CD247: variants seen among roughly 807,000 people sequenced by gnomAD.
The protein encoded by CD247 is CD247 molecule, also known as T-cell surface glycoprotein CD3 zeta chain.
Under a neutral mutation model 30.0 loss-of-function variants are expected in CD247, and 13 were observed. The observed-to-expected ratio is 0.43, with a 90% confidence interval of 0.28 to 0.69. The LOEUF (loss-of-function observed/expected upper bound fraction) is 0.69. Among genes scored for constraint, CD247 ranks in the 30% least tolerant of loss-of-function variants. CD247 has a pLI of 0.16. For missense variants in CD247, 193 were observed against 212.6 expected (o/e 0.91, Z 0.57); for synonymous variants, 72 against 80.0 (o/e 0.90, Z 0.53).
Position 167,518,500 on chromosome 1 carries a change from G to A in CD247, c.-35C>T, listed in dbSNP as rs750454853. ...TCCCTCAGAAAGAGGCTGGGAGGCA[G>A]AGGCTGAGGCAGCGGTGGCCGGGAC... On this transcript the variant is annotated 5_prime_UTR_variant, in exon 1 of 8. Coordinates refer to ENST00000362089, the MANE Select transcript of CD247 (RefSeq NM_198053.3). 2 of 1,596,896 alleles carry A rather than the reference G, an allele frequency of 1.3e-6. No homozygotes were observed. Among genetic ancestry groups the A allele is most frequent in the Non-Finnish European group, 1.7e-6 (2 of 1,165,126 alleles).
intron 1 of CD247, among the ~76,000 whole-genome samples, chr1:167,502,928 T>C (rs1654972067): frequency 6.6e-6 from 1 of 152,200 alleles, no homozygotes; most frequent in Non-Finnish European, 1.5e-5. Context: ...CTTTGGACTT[T>C]TAGCCTTCCG....
At chr1:167,458,628 A>G (rs1174728443) in intron 1 of CD247, 1 of 148,334 alleles carries the variant, frequency 6.7e-6, no homozygotes, top group Non-Finnish European at 1.5e-5. Flanking sequence ...AAACTGCGCT[A>G]CTTTCAGCAA....
intron 2 of CD247, chr1:167,439,818 G>A: frequency 3.9e-6 from 1 of 255,126 alleles, no homozygotes; most frequent in South Asian, 4.7e-5. Flanking sequence ...CTTGACCCCC[G>A]GAGCAGTGTA....
At chr1:167,456,666 G>C (rs1652689873) in intron 1 of CD247, among the ~76,000 whole-genome samples, 1 of 152,170 alleles carries the variant, frequency 6.6e-6, no homozygotes, top group African/African-American at 2.4e-5. Flanking sequence ...ACCACCTTCT[G>C]GGTTGGATGG....
chr1:167,515,490 GC>G (rs1410137770), intron 1 of CD247, among the ~76,000 whole-genome samples: 4 of 152,140 alleles, frequency 2.6e-5, no homozygotes, highest in Admixed American at 6.5e-5. Context: ...CAATCCCCCT[GC>G]CCCCTATTTG....
intron 1 of CD247, among the ~76,000 whole-genome samples, chr1:167,455,544 G>A (rs892919406): frequency 1.2e-4 from 19 of 152,208 alleles, no homozygotes; most frequent in African/African-American, 4.6e-4. Flanking sequence ...GCGGTTACGG[G>A]AGCAGCAGCC....
chr1:167,483,865 C>A (rs1242819811), intron 1 of CD247, among the ~76,000 whole-genome samples: 1 of 152,250 alleles, frequency 6.6e-6, no homozygotes, highest in Non-Finnish European at 1.5e-5. Context: ...CCCCTCCCCA[C>A]TCCCTCCCCA....
chr1:167,508,632 A>G (rs1655250271), intron 1 of CD247, among the ~76,000 whole-genome samples: 1 of 152,170 alleles, frequency 6.6e-6, no homozygotes, highest in Admixed American at 6.5e-5. Flanking sequence ...TTGATAGTTA[A>G]GTGGGAGAAA....
intron 1 of CD247, 92 bp from the exon 2 acceptor site, chr1:167,440,859 A>T: frequency 1.3e-6 from 1 of 768,522 alleles, no homozygotes; most frequent in South Asian, 1.4e-5. Flanking sequence ...GACTGACCAA[A>T]TAAATCATGA....
At chr1:167,438,688 G>A (rs1298077585) in intron 3 of CD247, 38 bp from the exon 4 acceptor site, 6 of 1,524,716 alleles carry the variant, frequency 3.9e-6, no homozygotes, top group Non-Finnish European at 5.5e-6. Flanking sequence ...CAGGACGGAG[G>A]AACCTCAGAA....
intron 1 of CD247, among the ~76,000 whole-genome samples, chr1:167,454,569 T>G (rs1329932108): frequency 6.6e-6 from 1 of 152,252 alleles, no homozygotes; most frequent in Non-Finnish European, 1.5e-5. Flanking sequence ...GGACCTCAGC[T>G]ATACAGAACT....
chr1:167,449,729 C>T (rs1652267273), intron 1 of CD247, among the ~76,000 whole-genome samples: 1 of 152,018 alleles, frequency 6.6e-6, no homozygotes, highest in East Asian at 1.9e-4. Flanking sequence ...TTGAGACCAG[C>T]CTGGCCAACA....
At chr1:167,459,348 CTTTTTTT>C (rs34706916) in intron 1 of CD247, among the ~76,000 whole-genome samples, 2 of 80,416 alleles carry the variant, frequency 2.5e-5, no homozygotes, top group Non-Finnish European at 4.6e-5. Flanking sequence ...CCTTACAACT[CTTTTTTT>C]TTTTTTTTTT....
At chr1:167,462,988 T>C (rs1398033114) in intron 1 of CD247, among the ~76,000 whole-genome samples, 1 of 152,246 alleles carries the variant, frequency 6.6e-6, no homozygotes, top group Non-Finnish European at 1.5e-5. Flanking sequence ...TCAGATAGCC[T>C]TGGGTGCCAG....
intron 6 of CD247, 135 bp from the exon 7 acceptor site, chr1:167,433,194 G>T: frequency 1.2e-6 from 1 of 842,918 alleles, no homozygotes; most frequent in Non-Finnish European, 2.0e-6. Context: ...CCTGCCCCTG[G>T]GAGAGAAGGA....
chr1:167,514,563 C>G (rs1488556020), intron 1 of CD247, among the ~76,000 whole-genome samples: 1 of 152,062 alleles, frequency 6.6e-6, no homozygotes, highest in Non-Finnish European at 1.5e-5. Context: ...CATGCGCTGA[C>G]TAAAGCGATC....
At chr1:167,439,589 T>G in intron 2 of CD247, 189 bp from the exon 3 acceptor site, 1 of 607,646 alleles carries the variant, frequency 1.6e-6, no homozygotes, top group South Asian at 1.9e-5. Context: ...TGAGCCCAGT[T>G]GTCCTTTTTC....
At chr1:167,453,042 T>TATATATTATAGATATATATTATAC (rs1325167176) in intron 1 of CD247, among the ~76,000 whole-genome samples, 2 of 148,238 alleles carry the variant, frequency 1.3e-5, no homozygotes, top group Admixed American at 1.4e-4. Context: ...ATATTATATA[T>TATATATTATAGATATATATTATAC]ATATATATTA....
At chr1:167,462,271 GC>G (rs1181302642) in intron 1 of CD247, among the ~76,000 whole-genome samples, 1 of 152,202 alleles carries the variant, frequency 6.6e-6, no homozygotes. Context: ...TGGGTTACCA[GC>G]CAGCGTCCCT....
Sources: allele counts gnomAD v4.1 joint callset (sites outside exome capture counted in the v4.1 genomes callset), GRCh38; gene constraint gnomAD v4.1.1; transcripts MANE v1.5; gene names NCBI Gene and HGNC (gene_info 2026-07-23, HGNC 2026-07-21).